IL17RD: variants seen among roughly 807,000 people sequenced by gnomAD.
IL17RD encodes the protein interleukin 17 receptor D.
A neutral mutation model predicts 80.5 loss-of-function variants in IL17RD; 52 were observed. That is an observed-to-expected ratio of 0.65 (90% CI 0.52 to 0.81). IL17RD has a LOEUF of 0.81. IL17RD is among the 40% of genes least tolerant of loss of function. IL17RD has a pLI of 0.00. For missense variants in IL17RD, 1,024 were observed against 955.1 expected, an observed-to-expected ratio of 1.07 and a Z score of -0.95; for synonymous variants, 416 against 391.8, an observed-to-expected ratio of 1.06 and a Z score of -0.73.
chr3:57,160,568 C>T (rs2060296935), intron 1 of IL17RD, among the ~76,000 whole-genome samples: 1 of 152,070 alleles, frequency 6.6e-6, no homozygotes, highest in Admixed American at 6.5e-5. Flanking sequence ...CTAGCTTCTC[C>T]CCCGCCCCGC....
At chr3:57,110,532 C>T (rs1707074149) in intron 3 of IL17RD, among the ~76,000 whole-genome samples, 1 of 152,194 alleles carries the variant, frequency 6.6e-6, no homozygotes, top group African/African-American at 2.4e-5. Context: ...TAATTAATCC[C>T]TAATCCAGCC....
intron 1 of IL17RD, chr3:57,134,433 C>T (rs1707678121): frequency 2.2e-5 from 17 of 764,014 alleles, no homozygotes; most frequent in East Asian, 5.0e-5. Context: ...GAGGAGAATG[C>T]GGATTCTGTG....
chr3:57,143,316 T>C (rs549811142), intron 1 of IL17RD, among the ~76,000 whole-genome samples: 12 of 152,318 alleles, frequency 7.9e-5, no homozygotes, highest in African/African-American at 2.9e-4. Context: ...GTCTCAGTGC[T>C]GGAGGGACCT....
intron 1 of IL17RD, among the ~76,000 whole-genome samples, chr3:57,146,869 G>A (rs1300914680): frequency 5.5e-5 from 7 of 127,334 alleles, no homozygotes; most frequent in Non-Finnish European, 1.1e-4. Context: ...CCAGACTGGA[G>A]TGCAATGGCA....
chr3:57,131,987 A>G (rs1321231260), intron 1 of IL17RD, among the ~76,000 whole-genome samples: 1 of 151,982 alleles, frequency 6.6e-6, no homozygotes, highest in African/African-American at 2.4e-5. Flanking sequence ...GGAGTTTAAG[A>G]CCAGCCTGGG....
intron 8 of IL17RD, among the ~76,000 whole-genome samples, chr3:57,103,684 G>T (rs1313239678): frequency 6.6e-6 from 1 of 152,088 alleles, no homozygotes; most frequent in Non-Finnish European, 1.5e-5. Context: ...ACAGGAAAAG[G>T]TAATCTTAAA....
chr3:57,098,898 A>G (rs1022498914), intron 11 of IL17RD, among the ~76,000 whole-genome samples: 1 of 152,246 alleles, frequency 6.6e-6, no homozygotes, highest in Non-Finnish European at 1.5e-5. Flanking sequence ...TAGAGAGCAC[A>G]GGACAGAGAA....
At position 57,102,518 on chromosome 3, in the gene IL17RD, C is replaced by A; in HGVS notation, c.940G>T (p.Ala314Ser). Reference protein sequence around the residue: ...TVPLVVISAFATLFTVMCRKK... With the variant: ...TVPLVVISAFSTLFTVMCRKK... ...CGGCACATCACAGTGAAGAGCGTCG[C>A]GAATGCCGATATGACTACCAGTGGC... The change falls in exon 10 of 13, where the codon GCG (alanine) becomes TCG (serine). Residue 314 changes from alanine (A) to serine (S), a missense_variant. Coordinates refer to ENST00000296318, the MANE Select transcript of IL17RD (RefSeq NM_017563.5). The A allele has an allele frequency of 1.3e-6, 2 of 1,577,702 alleles. No homozygotes were observed. Among genetic ancestry groups the A allele is most frequent in the South Asian group, 1.1e-5 (1 of 87,562 alleles).
At chr3:57,125,675 T>C (rs910069225) in intron 1 of IL17RD, among the ~76,000 whole-genome samples, 2 of 152,140 alleles carry the variant, frequency 1.3e-5, no homozygotes, top group Non-Finnish European at 1.5e-5. Context: ...CCTTGGAGGA[T>C]TGTGGAAGAT....
At chr3:57,152,535 T>C (rs941055765) in intron 1 of IL17RD, among the ~76,000 whole-genome samples, 1 of 152,220 alleles carries the variant, frequency 6.6e-6, no homozygotes, top group Non-Finnish European at 1.5e-5. Flanking sequence ...CTCTCTGGAC[T>C]TATGAATAAA....
chr3:57,163,216 C>T (rs1314489493), intron 1 of IL17RD, among the ~76,000 whole-genome samples: 2 of 152,164 alleles, frequency 1.3e-5, no homozygotes, highest in Non-Finnish European at 2.9e-5. Context: ...TACGATCGTC[C>T]AGGAGGCGAA....
chr3:57,138,668 G>A (rs1353485564), intron 1 of IL17RD, among the ~76,000 whole-genome samples: 1 of 152,218 alleles, frequency 6.6e-6, no homozygotes. Flanking sequence ...AGGTGCGGTG[G>A]CTCACACCTG....
chr3:57,097,589 AC>A lies in IL17RD; in HGVS notation c.2107+6del. ...CCTGTTAGGACCCGGCCCCAAAGGCACCTTACCCAGGCCTGAAGAGGAGGAC... is the reference window on the plus strand; with the variant it reads ...CCTGTTAGGACCCGGCCCCAAAGGCACTTACCCAGGCCTGAAGAGGAGGAC... On this transcript the variant is annotated splice_donor_region_variant and intron_variant, in intron 12 of 12. Coordinates refer to ENST00000296318, the MANE Select transcript of IL17RD (RefSeq NM_017563.5). 6.4e-7 allele frequency: 1 copy of A among 1,564,558 alleles called. No individual in the cohort carries two copies. Among genetic ancestry groups the A allele is most frequent in the African/African-American group, 1.4e-5 (1 of 73,772 alleles).
intron 1 of IL17RD, among the ~76,000 whole-genome samples, chr3:57,135,548 G>A (rs1002727006): frequency 1.3e-5 from 2 of 152,188 alleles, no homozygotes; most frequent in African/African-American, 4.8e-5. Flanking sequence ...TCATTTTGAA[G>A]AAGACTCTTC....
intron 9 of IL17RD, 57 bp downstream of exon 9, chr3:57,103,034 T>C (rs1421889979): frequency 8.2e-7 from 1 of 1,214,742 alleles, no homozygotes; most frequent in Admixed American, 2.0e-5. Flanking sequence ...ACAGAGAGTA[T>C]CACATACCTT....
intron 1 of IL17RD, 196 bp downstream of exon 1, chr3:57,164,965 C>A (rs2060336696): frequency 1.5e-6 from 2 of 1,319,744 alleles, no homozygotes; most frequent in Admixed American, 4.2e-5. Flanking sequence ...CAGCCGCTTT[C>A]ATCTCGGCCA....
chr3:57,104,413 A>G lies in IL17RD; in HGVS notation c.748-6T>C. 6.3e-7 allele frequency: 1 copy of G among 1,598,302 alleles called. No individual in the cohort carries two copies. The highest frequency in any genetic ancestry group is 8.6e-7 in the Non-Finnish European group (1 of 1,167,440). Reference sequence around the variant, plus strand: ...GTCGTCTCTGTAGTTTGCTCCTGCAACAGACCAAAGAACACTTTAAAAACT... The same window carrying G: ...GTCGTCTCTGTAGTTTGCTCCTGCAGCAGACCAAAGAACACTTTAAAAACT... On this transcript the variant is annotated splice_region_variant and splice_polypyrimidine_tract_variant and intron_variant, in intron 7 of 12. Transcript: ENST00000296318.
Position 57,095,571 on chromosome 3 carries a change from A to C in IL17RD, c.*822T>G, listed in dbSNP as rs2107457959. On this transcript the variant is annotated 3_prime_UTR_variant, in exon 13 of 13. Coordinates refer to ENST00000296318, the MANE Select transcript of IL17RD (RefSeq NM_017563.5). ...CTGGGTAGCAGTCTCTTAAGAATAAACTTCCAGACACCAACATCTGAGATA... is the reference window on the plus strand; with the variant it reads ...CTGGGTAGCAGTCTCTTAAGAATAACCTTCCAGACACCAACATCTGAGATA... 1 of 152,346 alleles carries C rather than the reference A, an allele frequency of 6.6e-6. No individual in the cohort carries two copies. Among genetic ancestry groups the C allele is most frequent in the East Asian group, 1.9e-4 (1 of 5,178 alleles). The allele number at this position is 152,346 out of a possible 1,614,324, so 9.4% of individuals were successfully genotyped here.
intron 1 of IL17RD, among the ~76,000 whole-genome samples, chr3:57,149,504 A>G (rs1390433453): frequency 6.6e-6 from 1 of 152,236 alleles, no homozygotes; most frequent in African/African-American, 2.4e-5. Context: ...TCCTGCACAG[A>G]GCCAAAGCTC....
Sources: allele counts gnomAD v4.1 joint callset (sites outside exome capture counted in the v4.1 genomes callset), GRCh38; gene constraint gnomAD v4.1.1; transcripts MANE v1.5; gene names NCBI Gene and HGNC (gene_info 2026-07-23, HGNC 2026-07-21).